Variants in TAFA2 observed in about 807,000 individuals in gnomAD.
TAFA2 encodes TAFA chemokine like family member 2.
Under a neutral mutation model 18.8 loss-of-function variants are expected in TAFA2, and 7 were observed. The ratio of observed to expected loss-of-function variants is 0.37; its 90% CI spans 0.21 to 0.70. The LOEUF (loss-of-function observed/expected upper bound fraction) is 0.70, where lower values mean the gene tolerates loss of function less well. TAFA2 is among the 30% of genes least tolerant of loss of function. The pLI, the probability that TAFA2 is intolerant of heterozygous loss-of-function variation, is 0.53. For synonymous variants in TAFA2, 60 were observed against 54.2 expected, an observed-to-expected ratio of 1.11 and a Z score of -0.47; for missense variants, 122 against 158.1, an observed-to-expected ratio of 0.77 and a Z score of 1.23.
intron 1 of TAFA2, among the ~76,000 whole-genome samples, chr12:62,203,415 C>T (rs1237164558): frequency 6.6e-6 from 1 of 152,220 alleles, no homozygotes; most frequent in Admixed American, 6.5e-5. Flanking sequence ...TCTCGATCAT[C>T]TGTCTAATAT....
At chr12:62,099,764 T>C (rs1346293368) in intron 1 of TAFA2, among the ~76,000 whole-genome samples, 1 of 152,068 alleles carries the variant, frequency 6.6e-6, no homozygotes, top group Non-Finnish European at 1.5e-5. Flanking sequence ...GTGGCACCCC[T>C]GCATGGTGGG....
At chr12:62,222,095 G>C (rs537831500) in intron 1 of TAFA2, among the ~76,000 whole-genome samples, 1 of 152,276 alleles carries the variant, frequency 6.6e-6, no homozygotes, top group East Asian at 1.9e-4. Flanking sequence ...AAGTCGGTCT[G>C]TTTCTGTGAT....
At chr12:61,857,337 A>ATG (rs1413986229) in intron 2 of TAFA2, among the ~76,000 whole-genome samples, 2 of 152,168 alleles carry the variant, frequency 1.3e-5, no homozygotes, top group African/African-American at 4.8e-5. Context: ...ATAAGACACT[A>ATG]TGTCTAGACC....
intron 2 of TAFA2, among the ~76,000 whole-genome samples, chr12:61,811,586 T>C (rs11614466): frequency 0.06 from 9,057 of 151,444 alleles, 422 homozygotes; most frequent in South Asian, 0.092. Context: ...TATACAAAAA[T>C]AACCACTATA....
At chr12:62,019,283 T>C (rs1023174963) in intron 1 of TAFA2, among the ~76,000 whole-genome samples, 1 of 152,076 alleles carries the variant, frequency 6.6e-6, no homozygotes, top group African/African-American at 2.4e-5. Flanking sequence ...CTCAGGGATC[T>C]AGAACTAGAA....
At chr12:62,152,514 A>C (rs2062335648) in intron 1 of TAFA2, among the ~76,000 whole-genome samples, 1 of 152,236 alleles carries the variant, frequency 6.6e-6, no homozygotes, top group Admixed American at 6.5e-5. Flanking sequence ...AAAATTGTTT[A>C]GTCTGGATTT....
At chr12:62,079,211 T>C (rs917884395) in intron 1 of TAFA2, among the ~76,000 whole-genome samples, 3 of 152,126 alleles carry the variant, frequency 2.0e-5, no homozygotes, top group Admixed American at 1.3e-4. Context: ...CAAAGAAGCC[T>C]AGGGAAATTG....
At chr12:61,911,693 G>A (rs1161197289) in intron 1 of TAFA2, among the ~76,000 whole-genome samples, 1 of 152,152 alleles carries the variant, frequency 6.6e-6, no homozygotes, top group Non-Finnish European at 1.5e-5. Flanking sequence ...AAGCGGAAAG[G>A]AAGCATCAGG....
rs537494060 is a variant in TAFA2 at position 62,131,979 on chromosome 12, C to T, written c.-2+59280G>A. On this transcript the variant is annotated intron_variant, in intron 1 of 4. Transcript: ENST00000416284. ...TTTGTATTTGAAAACCCTTGATGTTCAAAGCATGCATTTAGTACACAGCAC... is the reference window on the plus strand; with the variant it reads ...TTTGTATTTGAAAACCCTTGATGTTTAAAGCATGCATTTAGTACACAGCAC... Among the ~76,000 whole-genome samples, 4 of 149,958 alleles carry T rather than the reference C, an allele frequency of 2.7e-5. No individual in the cohort carries two copies. The East Asian group carries it at 7.9e-4, about 29-fold the overall frequency.
intron 1 of TAFA2, among the ~76,000 whole-genome samples, chr12:61,905,357 A>G (rs888809580): frequency 1.3e-5 from 2 of 152,152 alleles, no homozygotes; most frequent in African/African-American, 4.8e-5. Flanking sequence ...GTTCTTTTGA[A>G]ACTATAGTTC....
At chr12:61,899,185 T>A (rs566069943) in intron 1 of TAFA2, among the ~76,000 whole-genome samples, 1 of 152,180 alleles carries the variant, frequency 6.6e-6, no homozygotes, top group Non-Finnish European at 1.5e-5. Context: ...CTTTCCTACA[T>A]CTTCCTGTCT....
intron 1 of TAFA2, among the ~76,000 whole-genome samples, chr12:62,156,271 C>T (rs963497523): frequency 2.6e-5 from 4 of 152,150 alleles, no homozygotes; most frequent in African/African-American, 9.7e-5. Context: ...GCAAGAACGT[C>T]CATAATCAAA....
At chr12:61,811,258 A>G (rs533911493) in intron 2 of TAFA2, among the ~76,000 whole-genome samples, 1 of 151,430 alleles carries the variant, frequency 6.6e-6, no homozygotes, top group Non-Finnish European at 1.5e-5. Context: ...GTATTATCAC[A>G]TTTAATTCAG....
At chr12:62,124,678 T>C (rs888140185) in intron 1 of TAFA2, among the ~76,000 whole-genome samples, 2 of 152,178 alleles carry the variant, frequency 1.3e-5, no homozygotes, top group African/African-American at 4.8e-5. Context: ...TATATAACTG[T>C]CTGTAATATT....
In TAFA2 at chr12:61,753,380, G is replaced by A. The variant is rs371482567; in HGVS notation, c.384+242C>T. Among the ~76,000 whole-genome samples the A allele has an allele frequency of 3.3e-5, 5 of 152,006 alleles. No individual in the cohort carries two copies. In the East Asian group the frequency reaches 9.7e-4, roughly 29 times the overall value. On this transcript the variant is annotated intron_variant, in intron 4 of 4. Coordinates refer to ENST00000416284, the MANE Select transcript of TAFA2 (RefSeq NM_178539.5). The stretch of plus-strand genomic sequence containing the variant: ...CACATTACCCTCAGTATTTTATGAA[G>A]GAGCAAACAGTGTTTATTGATCAGA...
intron 1 of TAFA2, among the ~76,000 whole-genome samples, chr12:61,996,096 G>A (rs1880178013): frequency 6.6e-6 from 1 of 151,178 alleles, no homozygotes; most frequent in Non-Finnish European, 1.5e-5. Flanking sequence ...AGTCCTTAAG[G>A]GTACTATAAA....
At chr12:61,933,446 T>C (rs1350971087) in intron 1 of TAFA2, among the ~76,000 whole-genome samples, 1 of 152,158 alleles carries the variant, frequency 6.6e-6, no homozygotes, top group Non-Finnish European at 1.5e-5. Flanking sequence ...GTACAGTCTC[T>C]CACACCTGTA....
chr12:62,210,501 G>A (rs537694442), intron 1 of TAFA2, among the ~76,000 whole-genome samples: 1 of 152,202 alleles, frequency 6.6e-6, no homozygotes, highest in Admixed American at 6.5e-5. Context: ...AATTCCTTAT[G>A]CGCTTTGGCC....
intron 2 of TAFA2, among the ~76,000 whole-genome samples, chr12:61,854,167 G>A (rs1873792527): frequency 6.6e-6 from 1 of 152,022 alleles, no homozygotes; most frequent in Admixed American, 6.6e-5. Flanking sequence ...CTTAGAAGGA[G>A]AGACTATGCA....
Sources: gnomAD v4.1 joint callset for allele counts (sites outside exome capture counted in the v4.1 genomes callset) on GRCh38, gnomAD v4.1.1 for gene constraint, MANE v1.5 for transcripts, NCBI Gene and HGNC (gene_info 2026-07-23, HGNC 2026-07-21) for gene names.